KYNU: variants seen among roughly 807,000 people sequenced by gnomAD.
The protein encoded by KYNU is kynureninase.
Under a neutral mutation model 59.2 loss-of-function variants are expected in KYNU, and 54 were observed. The ratio of observed to expected loss-of-function variants is 0.91; its 90% CI spans 0.73 to 1.14. The LOEUF is 1.14. Ranked by LOEUF, KYNU falls within the 50% of genes most tolerant of loss-of-function variation. The pLI, the probability that KYNU is intolerant of heterozygous loss-of-function variation, is 0.00. For synonymous variants in KYNU, 177 were observed against 192.0 expected (o/e 0.92, Z 0.65); for missense variants, 567 against 554.4 (o/e 1.02, Z -0.23).
intron 3 of KYNU, among the ~76,000 whole-genome samples, chr2:142,920,657 T>C (rs1328591627): frequency 6.6e-6 from 1 of 152,238 alleles, no homozygotes; most frequent in African/African-American, 2.4e-5. Context: ...TTACTGAGTT[T>C]TCATTAGACA....
At position 142,885,523 on chromosome 2, in the gene KYNU, G is replaced by C. The variant is rs375522416; in HGVS notation, c.156G>C (p.Gln52His). The change falls in exon 2 of 14, where the codon CAG (glutamine) becomes CAC (histidine). Residue 52 changes from glutamine to histidine, a missense_variant. By Grantham distance (24) the Gln-to-His change is conservative (BLOSUM62 0). Transcript: ENST00000264170. ...AGTGCTTTTATATTCCCAAAATACA[G>C]GATCTGCCTCCAGGTAAGAATGCTG... ...FRECFYIPKI[Q>H]DLPPVDLSLV... 6.2e-7 allele frequency: 1 copy of C among 1,613,146 alleles called. No individual in the cohort carries two copies. The highest frequency in any genetic ancestry group is 8.5e-7 in the Non-Finnish European group (1 of 1,179,824).
At chr2:142,970,951 T>G (rs60179463) in intron 8 of KYNU, among the ~76,000 whole-genome samples, 2,580 of 152,236 alleles carry the variant, frequency 0.017, 75 homozygotes, top group African/African-American at 0.059. Flanking sequence ...GATTCTCCTT[T>G]CCTCTATTCC....
rs143993379 is a variant in KYNU, at chr2:142,898,085, C to T, written c.169+12549C>T. On this transcript the variant is annotated intron_variant, in intron 2 of 13. Coordinates refer to ENST00000264170, the MANE Select transcript of KYNU (RefSeq NM_003937.3). The stretch of plus-strand genomic sequence containing the variant: ...TCTGGCTAATTTTTAAAAATTTTTC[C>T]CCAGGCTCAGTGTCCAGCTCCTGGG... Among the ~76,000 whole-genome samples the T allele has an allele frequency of 3.0e-3, 453 of 152,020 alleles. 3 individuals are homozygous for T. The highest frequency in any genetic ancestry group is 0.01 in the African/African-American group (432 of 41,442).
chr2:142,972,807 T>TAGAGAGAGAG (rs1243876239), intron 8 of KYNU, among the ~76,000 whole-genome samples: 1 of 138,284 alleles, frequency 7.2e-6, no homozygotes, highest in East Asian at 2.7e-4. Flanking sequence ...TATATATATA[T>TAGAGAGAGAG]ATATATAGAG....
At chr2:142,901,912 G>C (rs575733528) in intron 2 of KYNU, among the ~76,000 whole-genome samples, 72 of 152,298 alleles carry the variant, frequency 4.7e-4, no homozygotes, top group Non-Finnish European at 7.9e-4. Flanking sequence ...GAGTGGTATA[G>C]GTTTGAACAA....
chr2:142,922,729 C>A (rs918949188), intron 3 of KYNU, among the ~76,000 whole-genome samples: 5 of 152,016 alleles, frequency 3.3e-5, no homozygotes, highest in Non-Finnish European at 5.9e-5. Flanking sequence ...CATAATGCAG[C>A]CTGATTTTGT....
chr2:142,897,928 A>G (rs1173917220), intron 2 of KYNU, among the ~76,000 whole-genome samples: 1 of 152,080 alleles, frequency 6.6e-6, no homozygotes, highest in African/African-American at 2.4e-5. Context: ...TTGAGACAGG[A>G]TGTCCCTTTG....
chr2:143,035,040 G>T (rs934094755), intron 12 of KYNU, among the ~76,000 whole-genome samples: 8 of 152,146 alleles, frequency 5.3e-5, no homozygotes, highest in African/African-American at 1.2e-4. Flanking sequence ...TCCAGCCACT[G>T]TTTTCCTACC....
At chr2:142,901,162 A>G (rs911601291) in intron 2 of KYNU, among the ~76,000 whole-genome samples, 1 of 152,170 alleles carries the variant, frequency 6.6e-6, no homozygotes, top group African/African-American at 2.4e-5. Context: ...TTAGTTTTGA[A>G]AAAGCGTGGT....
chr2:142,963,194 T>C (rs978541873), intron 8 of KYNU, among the ~76,000 whole-genome samples: 1 of 152,124 alleles, frequency 6.6e-6, no homozygotes, highest in African/African-American at 2.4e-5. Flanking sequence ...GCATGAATCA[T>C]AAGCAAATAG....
intron 13 of KYNU, 65 bp downstream of exon 13, chr2:143,040,723 A>G (rs965248495): frequency 2.0e-6 from 2 of 1,020,322 alleles, no homozygotes; most frequent in Non-Finnish European, 2.9e-6. Context: ...TAAAATTTGG[A>G]CTCTTTGGTT....
rs1468756944 is a variant in KYNU at position 142,989,863 on chromosome 2, T to C, written c.902+3842T>C. The C allele has an allele frequency of 1.7e-4, 26 of 151,916 alleles. 1 individual carries two copies. The highest frequency in any genetic ancestry group is 1.7e-3 in the Admixed American group (26 of 15,224). 9.4% of individuals were successfully genotyped at this position (151,916 alleles called of 1,614,324 possible). On this transcript the variant is annotated intron_variant, in intron 10 of 13. Transcript: ENST00000264170. ...CATTTTAGAAGTCTAATATTTGGTA[T>C]ATAATTTTTGAAATAGTCCTTTATG...
At chr2:143,021,688 G>A (rs1686413499) in intron 10 of KYNU, among the ~76,000 whole-genome samples, 1 of 152,152 alleles carries the variant, frequency 6.6e-6, no homozygotes, top group South Asian at 2.1e-4. Context: ...TGCAAGGACA[G>A]TACCAAGAGG....
intron 2 of KYNU, among the ~76,000 whole-genome samples, chr2:142,905,551 G>C (rs146066671): frequency 6.6e-6 from 1 of 152,160 alleles, no homozygotes; most frequent in African/African-American, 2.4e-5. Context: ...AATTTTCAGT[G>C]GTTAGTGTTA....
At chr2:143,006,266 TC>T (rs1012471548) in intron 10 of KYNU, among the ~76,000 whole-genome samples, 1 of 151,786 alleles carries the variant, frequency 6.6e-6, no homozygotes, top group African/African-American at 2.4e-5. Flanking sequence ...GTCAGGGAGT[TC>T]CCTTTCCGAG....
chr2:142,935,183 T>G (rs145179390), intron 4 of KYNU, among the ~76,000 whole-genome samples: 1 of 152,206 alleles, frequency 6.6e-6, no homozygotes, highest in Non-Finnish European at 1.5e-5. Context: ...AGGTTTAAGA[T>G]AGTGGTTCCT....
rs536193666 is a variant in KYNU, at chr2:142,916,808, C to T, written c.170-1801C>T. Among the ~76,000 whole-genome samples the T allele has an allele frequency of 7.9e-5, 12 of 152,274 alleles. No homozygotes were observed. In the South Asian group the frequency reaches 1.9e-3, roughly 24 times the overall value. On this transcript the variant is annotated intron_variant, in intron 2 of 13. Coordinates refer to ENST00000264170, the MANE Select transcript of KYNU (RefSeq NM_003937.3). ...CAATACCTACAAGAAGAGTGAACTG[C>T]GGTCTTGAAGCATTGTGACTTAACC...
chr2:142,956,145 A>G, intron 5 of KYNU, 58 bp from the exon 6 acceptor site: 1 of 948,094 alleles, frequency 1.1e-6, no homozygotes, highest in Non-Finnish European at 1.7e-6. Context: ...GTGACATAAA[A>G]TGAACAAATG....
rs1057394397 is a variant in KYNU, at chr2:142,939,270, C to A, written c.373+11529C>A. 3.9e-5 allele frequency among the ~76,000 whole-genome samples: 6 copies of A among 152,146 alleles called. No homozygotes were observed. In the South Asian group the frequency reaches 8.3e-4, roughly 21 times the overall value. ...TATACAAATTTCTATTGGTTTTGTG[C>A]GACTATGTTGTAGATCAGAATATCA... is the stretch of plus-strand genomic sequence containing the variant. On this transcript the variant is annotated intron_variant, in intron 4 of 13. Coordinates refer to ENST00000264170, the MANE Select transcript of KYNU (RefSeq NM_003937.3).
Sources: gnomAD v4.1 joint callset for allele counts (sites outside exome capture counted in the v4.1 genomes callset) on GRCh38, gnomAD v4.1.1 for gene constraint, MANE v1.5 for transcripts, NCBI Gene and HGNC (gene_info 2026-07-23, HGNC 2026-07-21) for gene names.